Variants in GPR176 observed in about 807,000 individuals in gnomAD.
GPR176 encodes the protein G protein-coupled receptor 176.
Under a neutral mutation model 35.4 loss-of-function variants are expected in GPR176, and 26 were observed. The observed-to-expected ratio is 0.74, with a 90% CI of 0.54 to 1.02. GPR176 has a LOEUF of 1.02. GPR176 is among the 50% of genes least tolerant of loss of function. The pLI is 0.00. For synonymous variants in GPR176, 278 were observed against 271.3 expected (o/e 1.02, Z -0.24); for missense variants, 597 against 665.3 (o/e 0.90, Z 1.13).
intron 1 of GPR176, among the ~76,000 whole-genome samples, chr15:39,894,035 A>G (rs28497158): frequency 0.38 from 1,420 of 3,754 alleles, 320 homozygotes; most frequent in South Asian, 0.62. Context: ...AGGGGCGGCC[A>G]GGCAGAGGCG....
chr15:39,876,488 G>T lies in GPR176; in HGVS notation c.172+43367C>A, dbSNP rs8031508. ...AGTATGAGCTGCAATTCTCAAAGTG[G>T]TGTTCTACCAGTTGTTTCAGTGAGG... On this transcript the variant is annotated intron_variant, in intron 1 of 2. Transcript: ENST00000561100. 8.7e-3 allele frequency among the ~76,000 whole-genome samples: 1,323 copies of T among 151,644 alleles called. 23 individuals are homozygous for T. The highest frequency in any genetic ancestry group is 0.031 in the African/African-American group (1,276 of 41,296).
chr15:39,857,812 C>CAA (rs34193602), intron 1 of GPR176, among the ~76,000 whole-genome samples: 126 of 149,692 alleles, frequency 8.4e-4, no homozygotes, highest in African/African-American at 2.0e-3. Context: ...ACTAAAAATA[C>CAA]AAAAAAAAAT....
intron 1 of GPR176, among the ~76,000 whole-genome samples, chr15:39,845,537 T>C (rs2030357252): frequency 6.6e-6 from 1 of 151,784 alleles, no homozygotes; most frequent in South Asian, 2.1e-4. Flanking sequence ...TTAAAAACAC[T>C]GATGCCTGGG....
At chr15:39,836,785 A>G (rs1273226216) in intron 1 of GPR176, among the ~76,000 whole-genome samples, 1 of 152,186 alleles carries the variant, frequency 6.6e-6, no homozygotes, top group Non-Finnish European at 1.5e-5. Flanking sequence ...CAACAAAATT[A>G]GTTCTGGAAA....
Position 39,801,756 on chromosome 15 carries a change from C to A in GPR176, c.924G>T (p.Leu308=), listed in dbSNP as rs751995217. The change falls in exon 3 of 3, where the codon CTG becomes CTT. Residue 308 remains leucine, a synonymous_variant. Coordinates refer to ENST00000561100, the MANE Select transcript of GPR176 (RefSeq NM_007223.3). ...GGTTTGCCAGCAGGGAGACTTTGGG[C>A]AGCCAAACAGCAGTGAGCAGCAAGA... ...SVFLLLTAVW[L]PKVSLLANPV... is the part of the protein sequence containing the mutation. 1.2e-6 allele frequency: 2 copies of A among 1,613,754 alleles called. No individual in the cohort carries two copies.
chr15:39,844,214 A>T (rs2030239990), intron 1 of GPR176, among the ~76,000 whole-genome samples: 1 of 152,106 alleles, frequency 6.6e-6, no homozygotes, highest in Non-Finnish European at 1.5e-5. Flanking sequence ...GGATTCATGA[A>T]TATTACATGG....
chr15:39,808,280 A>C (rs1183694393), intron 1 of GPR176, among the ~76,000 whole-genome samples: 4 of 152,076 alleles, frequency 2.6e-5, no homozygotes, highest in African/African-American at 9.7e-5. Context: ...CATGTTCCTC[A>C]AGGGTTTACC....
chr15:39,877,550 C>CT (rs56071903), intron 1 of GPR176, among the ~76,000 whole-genome samples: 40 of 131,662 alleles, frequency 3.0e-4, no homozygotes, highest in Admixed American at 5.3e-4. Context: ...TCTTCTTCTT[C>CT]TTTTTTTTTT....
rs2030952670 is a variant in GPR176 at position 39,852,672 on chromosome 15, A to G, written c.173-45414T>C. ...GCCACAAGTATATACTACATCAGAC[A>G]TTTTTAAGTGTCAGATTTTAAAAGC... On this transcript the variant is annotated intron_variant, in intron 1 of 2. Coordinates refer to ENST00000561100, the MANE Select transcript of GPR176 (RefSeq NM_007223.3). 5.3e-5 allele frequency among the ~76,000 whole-genome samples: 8 copies of G among 152,300 alleles called. No individual in the cohort carries two copies. In the South Asian group the frequency reaches 1.7e-3, roughly 32 times the overall value.
intron 1 of GPR176, among the ~76,000 whole-genome samples, chr15:39,878,906 C>T (rs932854512): frequency 6.6e-6 from 1 of 152,224 alleles, no homozygotes; most frequent in African/African-American, 2.4e-5. Context: ...GAAGAAACCC[C>T]TATGTATTTA....
chr15:39,889,346 G>A (rs1328991078), intron 1 of GPR176, among the ~76,000 whole-genome samples: 1 of 151,978 alleles, frequency 6.6e-6, no homozygotes, highest in African/African-American at 2.4e-5. Flanking sequence ...TTGGAAATTC[G>A]AGACCAGCCT....
chr15:39,878,096 C>CTGTGTGTGTGTGTGTGTGTGTG lies in GPR176; in HGVS notation c.172+41737_172+41758dup, dbSNP rs58251937. Among the ~76,000 whole-genome samples the CTGTGTGTGTGTGTGTGTGTGTG allele has an allele frequency of 9.9e-4, 129 of 130,038 alleles. 3 individuals carry two copies. The highest frequency in any genetic ancestry group is 1.4e-3 in the Non-Finnish European group (85 of 60,468). The allele number at this position is 130,038 out of a possible 152,430, so 85.3% of individuals were successfully genotyped here. A position where few individuals can be genotyped will look rare whatever the true frequency, so the allele number is the denominator to read the frequency against. ...CATATCCATCACCTCCCATAGTTAC[C>CTGTGTGTGTGTGTGTGTGTGTG]TGTGTGTGTGTGTGTGTGTGTGTGT... On this transcript the variant is annotated intron_variant, in intron 1 of 2. Transcript: ENST00000561100.
intron 1 of GPR176, among the ~76,000 whole-genome samples, chr15:39,834,317 A>AT (rs1901267393): frequency 6.6e-6 from 1 of 152,238 alleles, no homozygotes; most frequent in Non-Finnish European, 1.5e-5. Flanking sequence ...AAGATTTATT[A>AT]TGAGAAAGAA....
chr15:39,818,594 T>C (rs1277292276), intron 1 of GPR176, among the ~76,000 whole-genome samples: 1 of 152,216 alleles, frequency 6.6e-6, no homozygotes, highest in African/African-American at 2.4e-5. Flanking sequence ...GGATTTTAGG[T>C]GAGTCTACAA....
chr15:39,812,665 A>C (rs912857814), intron 1 of GPR176, among the ~76,000 whole-genome samples: 4 of 152,016 alleles, frequency 2.6e-5, no homozygotes, highest in African/African-American at 9.7e-5. Context: ...CTTCATATAT[A>C]CATCTATCCT....
intron 1 of GPR176, among the ~76,000 whole-genome samples, chr15:39,815,681 G>T (rs534686258): frequency 6.6e-6 from 1 of 152,106 alleles, no homozygotes; most frequent in African/African-American, 2.4e-5. Context: ...ACTATAAAAC[G>T]TTCAATATAC....
At chr15:39,913,784 C>T (rs920266024) in intron 1 of GPR176, among the ~76,000 whole-genome samples, 4 of 152,152 alleles carry the variant, frequency 2.6e-5, no homozygotes, top group Admixed American at 6.5e-5. Context: ...CGGTGGCTCA[C>T]GCCTGTAATC....
chr15:39,838,198 G>A (rs1333217717), intron 1 of GPR176, among the ~76,000 whole-genome samples: 1 of 152,026 alleles, frequency 6.6e-6, no homozygotes, highest in Non-Finnish European at 1.5e-5. Context: ...ATACTCTAAA[G>A]AATTAAATCT....
intron 1 of GPR176, among the ~76,000 whole-genome samples, chr15:39,876,820 A>AAG (rs796616426): frequency 4.6e-4 from 69 of 150,556 alleles, no homozygotes; most frequent in African/African-American, 1.6e-3. Flanking sequence ...CTGTTACAAA[A>AAG]AGAGAGAGAG....
Sources: gnomAD v4.1 joint callset for allele counts (sites outside exome capture counted in the v4.1 genomes callset) on GRCh38, gnomAD v4.1.1 for gene constraint, MANE v1.5 for transcripts, NCBI Gene and HGNC (gene_info 2026-07-23, HGNC 2026-07-21) for gene names.